MGAM2: variants seen among roughly 807,000 people sequenced by gnomAD.
The protein encoded by MGAM2 is maltase-glucoamylase 2 (putative).
Under a neutral mutation model 96.1 loss-of-function variants are expected in MGAM2, and 98 were observed. The observed-to-expected ratio is 1.02, with a 90% CI of 0.87 to 1.21. The LOEUF (loss-of-function observed/expected upper bound fraction) is 1.21. MGAM2 is among the 50% of genes most tolerant of loss of function. MGAM2 has a pLI of 0.00. For synonymous variants in MGAM2, 749 were observed against 414.8 expected (o/e 1.81, Z -9.79); for missense variants, 2,055 against 1,182.4 (o/e 1.74, Z -10.82).
intron 26 of MGAM2, among the ~76,000 whole-genome samples, chr7:142,169,225 C>T (rs1041863631): frequency 1.3e-5 from 2 of 152,092 alleles, no homozygotes. Flanking sequence ...AGATCAAAAC[C>T]ATCCTGGCCA....
Position 142,131,056 on chromosome 7 carries a change from AC to A in MGAM2, c.296del (p.Thr99LysfsTer11). 1.4e-6 allele frequency: 1 copy of A among 702,666 alleles called. No homozygotes were observed. Among genetic ancestry groups the A allele is most frequent in the Non-Finnish European group, 2.6e-6 (1 of 385,006 alleles). The allele number at this position is 702,666 out of a possible 1,614,324, so 43.5% of individuals were successfully genotyped here. On this transcript the variant is annotated frameshift_variant, in exon 4 of 48. Coordinates refer to ENST00000477922, the MANE Select transcript of MGAM2 (RefSeq NM_001293626.2). LOFTEE classifies it high-confidence loss of function. ...GGGCTATGAAGCCAGCAATGGCCAT[AC>A]AAATACAAGCACAGGTGAGCACTGC... Reference protein sequence around the residue: ...NWGYEASNGHTNTSTGFTAQL... With the variant: ...NWGYEASNGHXNTSTGFTAQL...
chr7:142,128,883 G>A (rs183057866), intron 3 of MGAM2, among the ~76,000 whole-genome samples: 224 of 151,328 alleles, frequency 1.5e-3, no homozygotes, highest in African/African-American at 5.3e-3. Flanking sequence ...CCCCACTGGG[G>A]CGCAGCCTAG....
intron 15 of MGAM2, among the ~76,000 whole-genome samples, chr7:142,149,185 C>T (rs922578613): frequency 1.3e-5 from 2 of 151,526 alleles, no homozygotes; most frequent in South Asian, 2.1e-4. Flanking sequence ...GCCGAGATCA[C>T]GCTATTGCAC....
chr7:142,113,576 G>T (rs1817249568), intron 1 of MGAM2, among the ~76,000 whole-genome samples: 1 of 151,974 alleles, frequency 6.6e-6, no homozygotes, highest in African/African-American at 2.4e-5. Flanking sequence ...ATTATTTGAA[G>T]AACAGATAAT....
rs556741676 is a variant in MGAM2, at chr7:142,142,781, C to A, written c.1318-988C>A. Among the ~76,000 whole-genome samples the A allele has an allele frequency of 1.1e-4, 16 of 152,274 alleles. No homozygotes were observed. The East Asian group carries it at 2.1e-3, about 20-fold the overall frequency. On this transcript the variant is annotated intron_variant, in intron 12 of 47. Coordinates refer to ENST00000477922, the MANE Select transcript of MGAM2 (RefSeq NM_001293626.2). ...GCCAGACTGGTCTCGAACTCCTGAC[C>A]TCGTGATCCACCTGCCTCAGCCTCC...
chr7:142,141,789 C>A (rs1307850557), intron 12 of MGAM2, among the ~76,000 whole-genome samples: 1 of 152,126 alleles, frequency 6.6e-6, no homozygotes, highest in African/African-American at 2.4e-5. Context: ...TGTGAGCCAC[C>A]ATGCCTAACC....
chr7:142,205,101 T>G (rs1007670044), intron 45 of MGAM2, among the ~76,000 whole-genome samples: 1 of 152,142 alleles, frequency 6.6e-6, no homozygotes, highest in Non-Finnish European at 1.5e-5. Context: ...GTGCCCATGA[T>G]TAGACAGTCA....
intron 17 of MGAM2, among the ~76,000 whole-genome samples, chr7:142,156,932 C>T (rs762772425): frequency 2.6e-5 from 4 of 152,072 alleles, no homozygotes; most frequent in Non-Finnish European, 5.9e-5. Flanking sequence ...TCTCTGGGTC[C>T]ATGGAAAATT....
chr7:142,196,234 A>G lies in MGAM2; in HGVS notation c.4427A>G (p.His1476Arg). 1.0e-6 allele frequency: 1 copy of G among 973,526 alleles called. No individual in the cohort carries two copies. The highest frequency in any genetic ancestry group is 1.6e-6 in the Non-Finnish European group (1 of 618,396). 60.3% of individuals were successfully genotyped at this position (973,526 alleles called of 1,614,324 possible). The change falls in exon 38 of 48, where the codon CAC becomes CGC. Residue 1476 changes from histidine (H) to arginine (R), a missense_variant. His to Arg is a conservative substitution (Grantham distance 29). Transcript: ENST00000477922. ...CCCTCTTCTGGACGCTGGGGAGGACACCGGTTGGGAAACAACACAGCTGCA... is the reference window on the plus strand; with the variant it reads ...CCCTCTTCTGGACGCTGGGGAGGACGCCGGTTGGGAAACAACACAGCTGCA... ...TFPSSGRWGG[H>R]RLGNNTAAWD... is the part of the protein sequence containing the mutation.
chr7:142,189,863 G>A (rs944531857), intron 37 of MGAM2, among the ~76,000 whole-genome samples: 2 of 152,084 alleles, frequency 1.3e-5, no homozygotes, highest in African/African-American at 2.4e-5. Flanking sequence ...TCTATTTTCT[G>A]TCTATGTGGA....
At chr7:142,157,393 A>AT (rs11287092) in intron 17 of MGAM2, among the ~76,000 whole-genome samples, 1,993 of 142,678 alleles carry the variant, frequency 0.014, 33 homozygotes, top group African/African-American at 0.042. Flanking sequence ...ACAGACACCA[A>AT]TTTTTTTTTT....
chr7:142,138,702 C>A (rs867737996), intron 10 of MGAM2, 35 bp downstream of exon 10: 11 of 672,762 alleles, frequency 1.6e-5, no homozygotes, highest in Middle Eastern at 2.4e-4. Flanking sequence ...GCAGTTGACA[C>A]CAATTCCCAT....
chr7:142,115,458 G>C lies in MGAM2; in HGVS notation c.1-1416G>C, dbSNP rs150413582. Among the ~76,000 whole-genome samples, 154 of 152,282 alleles carry C rather than the reference G, an allele frequency of 1.0e-3. 1 individual carries two copies. Among genetic ancestry groups the C allele is most frequent in the African/African-American group, 3.6e-3 (150 of 41,572 alleles). On this transcript the variant is annotated intron_variant, in intron 1 of 47. Transcript: ENST00000477922. ...GTTAAATAATCAATACTGAGGCCTA[G>C]GTCAGTTAGGGTTAACAGCTAGGAA... is the stretch of plus-strand genomic sequence containing the variant.
In MGAM2 at chr7:142,171,196, C is replaced by G. The variant is rs1796173380; in HGVS notation, c.3183-76C>G. The stretch of plus-strand genomic sequence containing the variant: ...ATAATTAAGGAGGCTTTGGAATCAA[C>G]TAGACATTCCAAACACGTTCCAAGT... On this transcript the variant is annotated intron_variant, in intron 27 of 47. Transcript: ENST00000477922. The G allele has an allele frequency of 4.3e-6, 3 of 699,368 alleles. No homozygotes were observed. The Admixed American group carries it at 6.0e-5, about 14-fold the overall frequency. 43.3% of individuals were successfully genotyped at this position (699,368 alleles called of 1,614,324 possible).
At chr7:142,166,976 A>G (rs1187572605) in intron 25 of MGAM2, among the ~76,000 whole-genome samples, 3 of 152,158 alleles carry the variant, frequency 2.0e-5, no homozygotes, top group African/African-American at 7.2e-5. Flanking sequence ...ACATGTGTAC[A>G]TGTCTATCTC....
At position 142,141,374 on chromosome 7, in the gene MGAM2, C is replaced by T. The variant is rs1471147292; in HGVS notation, c.1317+255C>T. Among the ~76,000 whole-genome samples, 3 of 152,084 alleles carry T rather than the reference C, an allele frequency of 2.0e-5. No individual in the cohort carries two copies. In the South Asian group the frequency reaches 6.2e-4, roughly 32 times the overall value. Reference sequence around the variant, plus strand: ...ATATAACTAGAAGAAAAATCAGTTACCTAAAGCCCTCCCACCTCCAAATTT... The same window carrying T: ...ATATAACTAGAAGAAAAATCAGTTATCTAAAGCCCTCCCACCTCCAAATTT... On this transcript the variant is annotated intron_variant, in intron 12 of 47. Coordinates refer to ENST00000477922, the MANE Select transcript of MGAM2 (RefSeq NM_001293626.2).
intron 11 of MGAM2, 39 bp from the exon 12 acceptor site, chr7:142,140,982 A>C (rs749617797): frequency 1.4e-6 from 1 of 691,278 alleles, no homozygotes; most frequent in Non-Finnish European, 2.6e-6. Flanking sequence ...AGTGCAAAAA[A>C]TTTATGAAAA....
At chr7:142,184,575 A>G (rs926543990) in intron 33 of MGAM2, among the ~76,000 whole-genome samples, 3 of 152,198 alleles carry the variant, frequency 2.0e-5, no homozygotes, top group African/African-American at 4.8e-5. Context: ...ATCAGTGTGT[A>G]TATACTTAAT....
rs180693106 is a variant in MGAM2, at chr7:142,171,338, G to T, written c.3249G>T (p.Pro1083=). The T allele has an allele frequency of 6.1e-5, 43 of 702,908 alleles. No homozygotes were observed. The African/African-American group carries it at 7.5e-4, about 12-fold the overall frequency. 43.5% of individuals were successfully genotyped at this position (702,908 alleles called of 1,614,324 possible). A position where few individuals can be genotyped will look rare whatever the true frequency, so the allele number is the denominator to read the frequency against. The part of the protein sequence containing the change: ...DMFLSISTRL[P]SQYIYGFGET... ...TTCTCTCCATTTCTACGCGTCTGCC[G>T]TCCCAGTACATCTATGGCTTTGGGG... Residue 1083 remains proline, a synonymous_variant, in exon 28 of 48, where the codon CCG becomes CCT. Transcript: ENST00000477922.
Sources: gnomAD v4.1 joint callset for allele counts (sites outside exome capture counted in the v4.1 genomes callset) on GRCh38, gnomAD v4.1.1 for gene constraint, MANE v1.5 for transcripts, NCBI Gene and HGNC (gene_info 2026-07-23, HGNC 2026-07-21) for gene names.